ZKSCAN7: variants seen among roughly 807,000 people sequenced by gnomAD.
ZKSCAN7 encodes the protein zinc finger protein with KRAB and SCAN domains 7.
A neutral mutation model predicts 65.3 loss-of-function variants in ZKSCAN7; 38 were observed. That is an observed-to-expected ratio of 0.58 (90% confidence interval 0.45 to 0.76). The LOEUF is 0.76. Among genes scored for constraint, ZKSCAN7 ranks in the 30% least tolerant of loss-of-function variants. ZKSCAN7 has a pLI of 0.00. For synonymous variants in ZKSCAN7, 321 were observed against 321.0 expected (o/e 1.00, Z 0.00); for missense variants, 815 against 913.3 (o/e 0.89, Z 1.39).
At chr3:44,569,891 G>A (rs1198569778) in intron 5 of ZKSCAN7, 31 bp from the exon 6 acceptor site, 1 of 1,508,240 alleles carries the variant, frequency 6.6e-7, no homozygotes, top group Non-Finnish European at 8.8e-7. Flanking sequence ...TAAGAAATGG[G>A]TAAAAGTTGT....
chr3:44,580,812 T>C (rs1246502256), intron 5 of ZKSCAN7: 4 of 1,613,110 alleles, frequency 2.5e-6, no homozygotes, highest in Non-Finnish European at 3.4e-6. Flanking sequence ...GATGAAGAAC[T>C]GTCGCTGCCA....
intron 1 of ZKSCAN7, among the ~76,000 whole-genome samples, chr3:44,556,365 T>C (rs1448033365): frequency 6.6e-6 from 1 of 152,226 alleles, no homozygotes; most frequent in Non-Finnish European, 1.5e-5. Flanking sequence ...TGCCAAAAGT[T>C]GAAGAAGAAA....
chr3:44,559,378 A>G (rs1699398987), intron 2 of ZKSCAN7, among the ~76,000 whole-genome samples: 1 of 152,150 alleles, frequency 6.6e-6, no homozygotes, highest in Non-Finnish European at 1.5e-5. Flanking sequence ...TTTGTACTTT[A>G]TCAGGGGAAA....
At chr3:44,559,757 A>G (rs1435727694) in intron 2 of ZKSCAN7, among the ~76,000 whole-genome samples, 1 of 152,246 alleles carries the variant, frequency 6.6e-6, no homozygotes, top group Non-Finnish European at 1.5e-5. Context: ...ATGATTACAT[A>G]TCACTAGGGA....
intron 5 of ZKSCAN7, chr3:44,580,692 C>G (rs911234260): frequency 2.5e-6 from 4 of 1,613,802 alleles, no homozygotes; most frequent in Non-Finnish European, 3.4e-6. Flanking sequence ...CTGGCCCGTG[C>G]GGCCCTCCCC....
intron 5 of ZKSCAN7, among the ~76,000 whole-genome samples, chr3:44,569,194 T>C (rs1004331823): frequency 6.6e-6 from 1 of 152,196 alleles, no homozygotes; most frequent in Non-Finnish European, 1.5e-5. Flanking sequence ...CCCTTCAGTC[T>C]AGTACCTGGT....
chr3:44,564,959 C>T (rs1337551939), intron 2 of ZKSCAN7, among the ~76,000 whole-genome samples: 1 of 152,122 alleles, frequency 6.6e-6, no homozygotes, highest in Non-Finnish European at 1.5e-5. Context: ...TGCCACCATG[C>T]CTGGCTAATT....
chr3:44,577,872 C>T (rs896383050), intron 5 of ZKSCAN7, among the ~76,000 whole-genome samples: 2 of 152,158 alleles, frequency 1.3e-5, no homozygotes, highest in Admixed American at 1.3e-4. Flanking sequence ...TCGGGGTGTG[C>T]TGCTGCAAGC....
chr3:44,575,858 A>G (rs907658600), downstream of ZKSCAN7, among the ~76,000 whole-genome samples: 1 of 152,204 alleles, frequency 6.6e-6, no homozygotes, highest in Admixed American at 6.5e-5. Flanking sequence ...GATTACAGGC[A>G]TGAGCCACTG....
intron 2 of ZKSCAN7, among the ~76,000 whole-genome samples, chr3:44,563,416 T>C (rs1699538643): frequency 6.6e-6 from 1 of 152,188 alleles, no homozygotes; most frequent in African/African-American, 2.4e-5. Flanking sequence ...GATTAGGTAA[T>C]TTATGAAGAA....
intron 5 of ZKSCAN7, among the ~76,000 whole-genome samples, chr3:44,582,474 C>A (rs960532675): frequency 6.6e-6 from 1 of 152,078 alleles, no homozygotes; most frequent in Non-Finnish European, 1.5e-5. Flanking sequence ...ACCAACTAGA[C>A]GTTGATTTCA....
chr3:44,580,501 C>T (rs889907576), intron 5 of ZKSCAN7: 5 of 1,610,186 alleles, frequency 3.1e-6, no homozygotes, highest in Admixed American at 1.7e-5. Flanking sequence ...GTGGTAACAG[C>T]CACCTTGGCA....
At chr3:44,581,970 GT>G (rs1316360822) in intron 5 of ZKSCAN7, among the ~76,000 whole-genome samples, 1 of 152,144 alleles carries the variant, frequency 6.6e-6, no homozygotes, top group Non-Finnish European at 1.5e-5. Context: ...ACCTCTAGGG[GT>G]TAGGGACAGG....
In ZKSCAN7 at chr3:44,571,602, T is replaced by G; in HGVS notation, c.*227T>G. ...ATTGAATTGTAGGTTTCCTTTTTTT[T>G]TCTTTACTTTTAAATTTTAACTTTT... On this transcript the variant is annotated 3_prime_UTR_variant, in exon 6 of 6. Coordinates refer to ENST00000426540, the MANE Select transcript of ZKSCAN7 (RefSeq NM_001288590.2). 1 of 1,358,310 alleles carries G rather than the reference T, an allele frequency of 7.4e-7. No individual in the cohort carries two copies. Among genetic ancestry groups the G allele is most frequent in the South Asian group, 1.9e-5 (1 of 51,796 alleles). The allele number at this position is 1,358,310 out of a possible 1,614,324, so 84.1% of individuals were successfully genotyped here.
downstream of ZKSCAN7, among the ~76,000 whole-genome samples, chr3:44,576,047 A>G (rs550131358): frequency 6.6e-6 from 1 of 152,242 alleles, no homozygotes; most frequent in Non-Finnish European, 1.5e-5. Context: ...ATTCTGATAT[A>G]TATATAATTT....
Position 44,570,991 on chromosome 3 carries a change from A to G in ZKSCAN7, c.1881A>G (p.Arg627=), listed in dbSNP as rs1699790778. The G allele has an allele frequency of 1.2e-6, 2 of 1,614,198 alleles. No individual in the cohort carries two copies. Among genetic ancestry groups the G allele is most frequent in the African/African-American group, 1.3e-5 (1 of 75,056 alleles). ...GLSKCLIRHQ[R]LHTGEKPYKC... is the part of the protein sequence containing the mutation. ...GTAAATGTCTTATTCGGCACCAGAG[A>G]CTTCACACGGGTGAAAAGCCCTATA... The change falls in exon 6 of 6, where the codon AGA becomes AGG. Residue 627 remains arginine, a synonymous_variant. Coordinates refer to ENST00000426540, the MANE Select transcript of ZKSCAN7 (RefSeq NM_001288590.2).
chr3:44,580,963 A>G (rs1422592978), intron 5 of ZKSCAN7: 49 of 1,611,986 alleles, frequency 3.0e-5, no homozygotes, highest in Non-Finnish European at 4.0e-5. Context: ...CAGTTCTGAC[A>G]CTTGCTCTTG....
At chr3:44,561,633 A>G (rs185441301) in intron 2 of ZKSCAN7, among the ~76,000 whole-genome samples, 1 of 152,322 alleles carries the variant, frequency 6.6e-6, no homozygotes, top group Non-Finnish European at 1.5e-5. Context: ...CCAAGATACA[A>G]TGGGGATATA....
rs1046766386 is a variant in ZKSCAN7 at position 44,580,999 on chromosome 3, T to C, written c.812-1973T>C. 6 of 1,608,604 alleles carry C rather than the reference T, an allele frequency of 3.7e-6. No individual in the cohort carries two copies. In the African/African-American group the frequency reaches 6.7e-5, roughly 18 times the overall value. The stretch of plus-strand genomic sequence containing the variant: ...TTGAAGATGTTGGCCTGGAATTTCC[T>C]GCACGGGTTCTCCTTGGCTGCCGAC... On this transcript the variant is annotated intron_variant, in intron 5 of 5. Coordinates refer to the ZKSCAN7 transcript ENST00000341840.
Sources: allele counts gnomAD v4.1 joint callset (sites outside exome capture counted in the v4.1 genomes callset), GRCh38; gene constraint gnomAD v4.1.1; transcripts MANE v1.5; gene names NCBI Gene and HGNC (gene_info 2026-07-23, HGNC 2026-07-21).